The following ARL14EPL variants were observed in gnomAD, a reference collection of about 807,000 sequenced individuals.
ARL14EPL encodes ARF like GTPase 14 effector protein like.
In ARL14EPL, 17 loss-of-function variants were observed where a neutral mutation model predicts 15.9. The observed-to-expected ratio is 1.07, with a 90% CI of 0.73 to 1.60. The LOEUF is 1.60. ARL14EPL is among the 40% of genes most tolerant of loss of function. The pLI is 0.00. For missense variants in ARL14EPL, 214 were observed against 185.9 expected (o/e 1.15, Z -0.88); for synonymous variants, 78 against 63.8 (o/e 1.22, Z -1.06).
At position 116,052,319 on chromosome 5, in the gene ARL14EPL, C is replaced by A. The variant is rs111656216; in HGVS notation, c.96+758C>A. 7,341 of 1,062,546 alleles carry A rather than the reference C, an allele frequency of 6.9e-3. 202 individuals carry two copies. The African/African-American group carries it at 0.073, about 11-fold the overall frequency. 65.8% of individuals were successfully genotyped at this position (1,062,546 alleles called of 1,614,324 possible). A position where few individuals can be genotyped will look rare whatever the true frequency, so the allele number is the denominator to read the frequency against. ...CGGAGAGTAGCAGCAGACACCGCAGCCTTGCAAAGATGTCGGACAAAAAAG... is the reference window on the plus strand; with the variant it reads ...CGGAGAGTAGCAGCAGACACCGCAGACTTGCAAAGATGTCGGACAAAAAAG... On this transcript the variant is annotated intron_variant, in intron 2 of 3. Coordinates refer to ENST00000686077, the MANE Select transcript of ARL14EPL (RefSeq NM_001195581.2).
chr5:116,045,029 A>C (rs897674306), intron 1 of ARL14EPL, among the ~76,000 whole-genome samples: 2 of 152,170 alleles, frequency 1.3e-5, no homozygotes, highest in African/African-American at 4.8e-5. Context: ...TAGAACTGTG[A>C]AACTTCATCA....
intron 1 of ARL14EPL, among the ~76,000 whole-genome samples, chr5:116,046,701 C>G (rs139864637): frequency 6.6e-6 from 1 of 152,158 alleles, no homozygotes; most frequent in Non-Finnish European, 1.5e-5. Flanking sequence ...TCTGTTCCAG[C>G]GCTGAAGAAA....
At chr5:116,044,237 A>C (rs968238978) in intron 1 of ARL14EPL, among the ~76,000 whole-genome samples, 6 of 152,140 alleles carry the variant, frequency 3.9e-5, no homozygotes, top group African/African-American at 1.4e-4. Flanking sequence ...ATGAAATAGC[A>C]GTGTTTACCC....
intron 2 of ARL14EPL, chr5:116,051,884 C>T: frequency 7.7e-7 from 1 of 1,305,860 alleles, no homozygotes; most frequent in Non-Finnish European, 1.1e-6. Context: ...TTTTATTTTT[C>T]CAAATGTACA....
chr5:116,042,281 A>G (rs980489288), intron 1 of ARL14EPL, among the ~76,000 whole-genome samples: 3 of 152,156 alleles, frequency 2.0e-5, no homozygotes, highest in African/African-American at 7.2e-5. Flanking sequence ...ACCTTTGAGC[A>G]CTTTGAAGAA....
intron 1 of ARL14EPL, among the ~76,000 whole-genome samples, chr5:116,049,537 T>C (rs1246346310): frequency 6.6e-6 from 1 of 152,220 alleles, no homozygotes; most frequent in Non-Finnish European, 1.5e-5. Flanking sequence ...GCAGGTTTGT[T>C]ACAGAAGCAT....
intron 1 of ARL14EPL, among the ~76,000 whole-genome samples, chr5:116,038,307 A>G (rs1749085589): frequency 6.6e-6 from 1 of 152,204 alleles, no homozygotes; most frequent in Admixed American, 6.5e-5. Flanking sequence ...AAGTGTGTAA[A>G]TAACTATGAA....
intron 1 of ARL14EPL, among the ~76,000 whole-genome samples, chr5:116,046,395 A>T (rs1302161148): frequency 6.6e-6 from 1 of 152,154 alleles, no homozygotes; most frequent in African/African-American, 2.4e-5. Context: ...ACTGATGAAA[A>T]TTCAACTCTA....
At chr5:116,058,624 G>T in intron 3 of ARL14EPL, 101 bp from the exon 4 acceptor site, 1 of 1,140,226 alleles carries the variant, frequency 8.8e-7, no homozygotes, top group Non-Finnish European at 1.2e-6. Context: ...TTCTGGGTCA[G>T]GGTAAAATGG....
At chr5:116,035,808 C>T (rs1237652532) in intron 1 of ARL14EPL, among the ~76,000 whole-genome samples, 4 of 152,110 alleles carry the variant, frequency 2.6e-5, no homozygotes, top group Non-Finnish European at 5.9e-5. Context: ...GGCCAGCTGC[C>T]GCTGGTATCT....
At chr5:116,053,413 G>C (rs1911948) in intron 2 of ARL14EPL, among the ~76,000 whole-genome samples, 121,844 of 151,096 alleles carry the variant, frequency 0.81, 49,606 homozygotes, top group African/African-American at 0.88. Context: ...AAATGTCCCC[G>C]TATGCCCTAG....
At chr5:116,047,986 T>C (rs1749304874) in intron 1 of ARL14EPL, among the ~76,000 whole-genome samples, 1 of 152,158 alleles carries the variant, frequency 6.6e-6, no homozygotes, top group Admixed American at 6.6e-5. Context: ...TTTTGAGATA[T>C]TGCTTTTAAA....
At chr5:116,057,990 T>C (rs1455244857) in intron 3 of ARL14EPL, among the ~76,000 whole-genome samples, 1 of 152,200 alleles carries the variant, frequency 6.6e-6, no homozygotes, top group Non-Finnish European at 1.5e-5. Flanking sequence ...GGTAGTAGGA[T>C]TCCTGTGAAA....
chr5:116,037,142 CAA>C (rs372282788), intron 1 of ARL14EPL, among the ~76,000 whole-genome samples: 388 of 152,238 alleles, frequency 2.5e-3, no homozygotes, highest in African/African-American at 9.0e-3. Flanking sequence ...TACTCTGGGA[CAA>C]AGAGAAGGCC....
At chr5:116,048,371 A>C (rs1749312119) in intron 1 of ARL14EPL, among the ~76,000 whole-genome samples, 1 of 152,140 alleles carries the variant, frequency 6.6e-6, no homozygotes, top group African/African-American at 2.4e-5. Flanking sequence ...TCATCAGTGG[A>C]GATGGTGGCA....
intron 1 of ARL14EPL, among the ~76,000 whole-genome samples, chr5:116,044,894 A>G (rs1749235299): frequency 6.6e-6 from 1 of 152,160 alleles, no homozygotes; most frequent in African/African-American, 2.4e-5. Flanking sequence ...AAGGCAGTAC[A>G]GTTTTCCTTT....
intron 1 of ARL14EPL, among the ~76,000 whole-genome samples, chr5:116,041,061 A>G (rs1303346893): frequency 6.6e-6 from 1 of 150,984 alleles, no homozygotes; most frequent in East Asian, 1.9e-4. Flanking sequence ...TTATAGTAAA[A>G]TTGAACAAAA....
intron 1 of ARL14EPL, among the ~76,000 whole-genome samples, chr5:116,034,849 T>C (rs1263749299): frequency 6.6e-6 from 1 of 152,190 alleles, no homozygotes; most frequent in Non-Finnish European, 1.5e-5. Flanking sequence ...TAAACAAGTA[T>C]TAGAGAAGTG....
chr5:116,047,216 C>A (rs904405844), intron 1 of ARL14EPL, among the ~76,000 whole-genome samples: 7 of 152,198 alleles, frequency 4.6e-5, no homozygotes, highest in Non-Finnish European at 1.0e-4. Context: ...CTCATGTGCC[C>A]TAAACGGGAG....
Sources: gnomAD v4.1 joint callset for allele counts (sites outside exome capture counted in the v4.1 genomes callset) on GRCh38, gnomAD v4.1.1 for gene constraint, MANE v1.5 for transcripts, NCBI Gene and HGNC (gene_info 2026-07-23, HGNC 2026-07-21) for gene names.